Variants in PRKG1 observed in about 807,000 individuals in gnomAD.
The protein encoded by PRKG1 is protein kinase cGMP-dependent 1.
PRKG1 carries 35 observed loss-of-function variants against 88.1 expected under a neutral mutation model. The observed-to-expected ratio is 0.40, with a 90% CI of 0.30 to 0.53. The LOEUF (loss-of-function observed/expected upper bound fraction) is 0.53. Ranked by LOEUF, PRKG1 falls within the 20% of genes least tolerant of loss-of-function variation. PRKG1 has a pLI of 0.59. For synonymous variants in PRKG1, 303 were observed against 292.5 expected, an observed-to-expected ratio of 1.04 and a Z score of -0.37; for missense variants, 540 against 839.8, an observed-to-expected ratio of 0.64 and a Z score of 4.41.
intron 5 of PRKG1, among the ~76,000 whole-genome samples, chr10:52,030,849 A>T (rs546384436): frequency 4.6e-5 from 7 of 152,242 alleles, no homozygotes; most frequent in Non-Finnish European, 2.9e-5. Flanking sequence ...AAATCAATTA[A>T]AAAGGAAGAG....
intron 3 of PRKG1, among the ~76,000 whole-genome samples, chr10:51,679,321 T>C (rs943384138): frequency 6.6e-6 from 1 of 152,178 alleles, no homozygotes; most frequent in African/African-American, 2.4e-5. Flanking sequence ...TCTTTTTCTT[T>C]CTTTTATTGG....
At chr10:52,058,736 C>T (rs959128357) in intron 6 of PRKG1, among the ~76,000 whole-genome samples, 7 of 151,580 alleles carry the variant, frequency 4.6e-5, no homozygotes, top group Non-Finnish European at 7.4e-5. Flanking sequence ...GTATGACTTG[C>T]GATTAGATAG....
chr10:51,850,441 T>A (rs2132803880), intron 4 of PRKG1, among the ~76,000 whole-genome samples: 1 of 152,212 alleles, frequency 6.6e-6, no homozygotes, highest in South Asian at 2.1e-4. Context: ...CCTCCCAAAA[T>A]GCTGGTATTA....
chr10:51,505,528 A>G (rs1344477533), intron 3 of PRKG1, among the ~76,000 whole-genome samples: 1 of 152,262 alleles, frequency 6.6e-6, no homozygotes, highest in East Asian at 1.9e-4. Flanking sequence ...GTTGATTGGA[A>G]CAGTTTCAGA....
intron 10 of PRKG1, among the ~76,000 whole-genome samples, chr10:52,255,474 C>T (rs972683051): frequency 2.3e-4 from 35 of 151,926 alleles, no homozygotes; most frequent in South Asian, 1.9e-3. Flanking sequence ...ATCTCCTATA[C>T]CAGAGCGGCA....
intron 3 of PRKG1, among the ~76,000 whole-genome samples, chr10:51,707,943 A>G (rs1841649964): frequency 6.6e-6 from 1 of 152,210 alleles, no homozygotes; most frequent in South Asian, 2.1e-4. Flanking sequence ...TGTTTATAGG[A>G]ATGTAGTAGC....
At chr10:51,617,627 G>A (rs1418043084) in intron 3 of PRKG1, among the ~76,000 whole-genome samples, 4 of 152,142 alleles carry the variant, frequency 2.6e-5, no homozygotes, top group Admixed American at 6.5e-5. Flanking sequence ...TGCTCTATAG[G>A]TTTGTAGCCT....
intron 4 of PRKG1, among the ~76,000 whole-genome samples, chr10:51,830,095 AG>A (rs965495379): frequency 2.8e-4 from 43 of 152,112 alleles, no homozygotes; most frequent in Non-Finnish European, 3.5e-4. Flanking sequence ...CTGGGAGAGT[AG>A]GGTGTCTGTG....
At chr10:51,104,996 C>T (rs971573068) in intron 1 of PRKG1, among the ~76,000 whole-genome samples, 2 of 152,032 alleles carry the variant, frequency 1.3e-5, no homozygotes, top group African/African-American at 2.4e-5. Context: ...TCCCAAAGTG[C>T]TGGGATTACA....
At chr10:52,180,614 G>A (rs1838992692) in intron 9 of PRKG1, among the ~76,000 whole-genome samples, 1 of 152,160 alleles carries the variant, frequency 6.6e-6, no homozygotes, top group South Asian at 2.1e-4. Flanking sequence ...GTGCAGCAGT[G>A]TAGTCTCCGT....
chr10:52,200,797 C>A (rs1375504722), intron 9 of PRKG1, among the ~76,000 whole-genome samples: 7 of 152,096 alleles, frequency 4.6e-5, no homozygotes, highest in African/African-American at 1.7e-4. Flanking sequence ...TTGCATTTCT[C>A]TAATAATTAA....
intron 2 of PRKG1, among the ~76,000 whole-genome samples, chr10:51,232,047 T>G (rs1838859850): frequency 6.6e-6 from 1 of 152,170 alleles, no homozygotes; most frequent in Non-Finnish European, 1.5e-5. Context: ...TGCCAAGTGG[T>G]TCTGACTGAA....
intron 2 of PRKG1, among the ~76,000 whole-genome samples, chr10:51,431,635 G>A (rs1341670246): frequency 6.6e-6 from 1 of 152,002 alleles, no homozygotes; most frequent in Non-Finnish European, 1.5e-5. Flanking sequence ...GCTCTGAGAG[G>A]GGCAGTCTAT....
intron 5 of PRKG1, among the ~76,000 whole-genome samples, chr10:51,950,093 A>G (rs74132832): frequency 0.079 from 12,055 of 152,234 alleles, 1,300 homozygotes; most frequent in African/African-American, 0.24. Flanking sequence ...AAAAAGTTGG[A>G]CTACATAACT....
intron 1 of PRKG1, among the ~76,000 whole-genome samples, chr10:51,098,597 A>G (rs1218100155): frequency 6.6e-6 from 1 of 152,192 alleles, no homozygotes; most frequent in Admixed American, 6.6e-5. Context: ...TGCTTTGGTA[A>G]AAGAAGGTAT....
At chr10:51,399,173 G>A (rs1028733086) in intron 2 of PRKG1, among the ~76,000 whole-genome samples, 4 of 151,594 alleles carry the variant, frequency 2.6e-5, no homozygotes, top group Admixed American at 2.0e-4. Flanking sequence ...TATAAGATGT[G>A]TTATATATTA....
At chr10:51,565,222 T>C (rs972916020) in intron 3 of PRKG1, among the ~76,000 whole-genome samples, 1 of 152,034 alleles carries the variant, frequency 6.6e-6, no homozygotes, top group African/African-American at 2.4e-5. Context: ...CCTAAAACCC[T>C]AAAGGATTCA....
chr10:52,143,216 C>T (rs1219151988), intron 8 of PRKG1, among the ~76,000 whole-genome samples: 2 of 152,130 alleles, frequency 1.3e-5, no homozygotes, highest in Non-Finnish European at 2.9e-5. Context: ...CTTGCCACCC[C>T]CCAGCCTTCC....
intron 3 of PRKG1, chr10:51,698,327 T>A: frequency 6.2e-7 from 1 of 1,614,096 alleles, no homozygotes; most frequent in South Asian, 1.1e-5. Context: ...ACCTCTACCA[T>A]CCATAGGTAG....
Sources: gnomAD v4.1 joint callset for allele counts (sites outside exome capture counted in the v4.1 genomes callset) on GRCh38, gnomAD v4.1.1 for gene constraint, MANE v1.5 for transcripts, NCBI Gene and HGNC (gene_info 2026-07-23, HGNC 2026-07-21) for gene names.